The following ADCY3 variants were observed in gnomAD, a reference collection of about 807,000 sequenced individuals.
ADCY3 encodes adenylate cyclase 3, also known as adenylate cyclase type 3.
Under a neutral mutation model 119.4 loss-of-function variants are expected in ADCY3, and 70 were observed. The ratio of observed to expected loss-of-function variants is 0.59; its 90% CI spans 0.48 to 0.72. The LOEUF (loss-of-function observed/expected upper bound fraction) is 0.72, where lower values mean the gene tolerates loss of function less well. Among genes scored for constraint, ADCY3 ranks in the 30% least tolerant of loss-of-function variants. ADCY3 has a pLI of 0.00. For synonymous variants in ADCY3, 672 were observed against 621.4 expected, an observed-to-expected ratio of 1.08 and a Z score of -1.21; for missense variants, 1,238 against 1,541.6, an observed-to-expected ratio of 0.80 and a Z score of 3.30.
intron 2 of ADCY3, among the ~76,000 whole-genome samples, chr2:24,911,726 G>A (rs1487719334): frequency 1.3e-5 from 2 of 151,310 alleles, no homozygotes; most frequent in African/African-American, 2.4e-5. Flanking sequence ...GTGTGTGTGT[G>A]TGTATGAAGA....
chr2:24,839,793 A>T, intron 7 of ADCY3, 80 bp downstream of exon 7: 3 of 1,593,170 alleles, frequency 1.9e-6, no homozygotes, highest in Non-Finnish European at 2.6e-6. Context: ...CCTGTCCCTC[A>T]TCAGGGTCAC....
intron 3 of ADCY3, among the ~76,000 whole-genome samples, chr2:24,844,549 CAGG>C (rs1395826569): frequency 6.6e-6 from 1 of 152,084 alleles, no homozygotes; most frequent in South Asian, 2.1e-4. Context: ...TGCTTTGGGG[CAGG>C]AGGAGGTGAA....
At chr2:24,821,169 T>C in intron 20 of ADCY3, 1 of 435,936 alleles carries the variant, frequency 2.3e-6, no homozygotes, top group Admixed American at 3.9e-5. Flanking sequence ...CAGCAGGTGA[T>C]CTTAACTCCT....
chr2:24,901,767 A>G (rs1678923247), intron 2 of ADCY3, among the ~76,000 whole-genome samples: 1 of 147,198 alleles, frequency 6.8e-6, no homozygotes, highest in Admixed American at 6.8e-5. Context: ...CAACATAGCA[A>G]GACCTCATCT....
In ADCY3 at chr2:24,820,027, G is replaced by A. The variant is rs751100357; in HGVS notation, c.3340C>T (p.Leu1114=). ...GPIFVKGKGE[L]LTFFLKGRDK... ...CGCCCCTTCAAGAAGAAGGTCAGCA[G>A]CTCCCCCTTCCCCTTCACAAAGATG... The change falls in exon 22 of 22, where the codon CTG becomes TTG. Residue 1114 remains leucine (L), a synonymous_variant. Transcript: ENST00000679454. The A allele has an allele frequency of 6.2e-6, 10 of 1,611,226 alleles. No individual in the cohort carries two copies. Among genetic ancestry groups the A allele is most frequent in the Non-Finnish European group, 4.2e-6 (5 of 1,178,730 alleles).
chr2:24,900,793 G>A (rs1032873960), intron 2 of ADCY3, among the ~76,000 whole-genome samples: 5 of 152,170 alleles, frequency 3.3e-5, no homozygotes, highest in Admixed American at 3.3e-4. Context: ...ACCAGGAAAG[G>A]GTGGCTCATG....
chr2:24,875,857 G>C (rs1031451696), intron 2 of ADCY3, among the ~76,000 whole-genome samples: 6 of 152,184 alleles, frequency 3.9e-5, no homozygotes, highest in Non-Finnish European at 8.8e-5. Context: ...TAAAACTAGA[G>C]GGTGAGATCT....
At chr2:24,910,588 C>G (rs926199017) in intron 2 of ADCY3, among the ~76,000 whole-genome samples, 1 of 151,954 alleles carries the variant, frequency 6.6e-6, no homozygotes, top group African/African-American at 2.4e-5. Flanking sequence ...TATCCATTCC[C>G]GAGGAAAATG....
intron 2 of ADCY3, among the ~76,000 whole-genome samples, chr2:24,904,797 A>C (rs1385399938): frequency 6.6e-6 from 1 of 151,712 alleles, no homozygotes; most frequent in Non-Finnish European, 1.5e-5. Flanking sequence ...ATGCACCACC[A>C]CGTCCAGCTA....
chr2:24,825,943 G>T (rs1446039378), intron 16 of ADCY3, 102 bp downstream of exon 16: 4 of 1,122,472 alleles, frequency 3.6e-6, no homozygotes, highest in Admixed American at 4.2e-5. Flanking sequence ...GTGAAGGGAA[G>T]CCCCATTCCT....
At chr2:24,839,137 T>C (rs1390004428) in intron 7 of ADCY3, among the ~76,000 whole-genome samples, 1 of 152,092 alleles carries the variant, frequency 6.6e-6, no homozygotes, top group Non-Finnish European at 1.5e-5. Flanking sequence ...AGATGGGGTT[T>C]CGTCATGTTG....
intron 16 of ADCY3, chr2:24,825,754 T>C (rs886244875): frequency 2.3e-6 from 1 of 432,732 alleles, no homozygotes; most frequent in African/African-American, 2.0e-5. Context: ...TAGGGGATAT[T>C]GATTTGATTC....
chr2:24,820,544 G>C (rs1239147131), intron 21 of ADCY3, 180 bp downstream of exon 21: 35 of 1,405,378 alleles, frequency 2.5e-5, no homozygotes, highest in Non-Finnish European at 3.3e-5. Context: ...ATGGGTGGAA[G>C]TGTTTCTTCC....
In ADCY3 at chr2:24,872,447, G is replaced by T; in HGVS notation, c.825+123C>A. ...AGACAAAGTTCAGAAGCAAACACCT[G>T]AACAGGGTGGATGAACGCCAAGCCC... On this transcript the variant is annotated intron_variant, in intron 3 of 21. Coordinates refer to ENST00000679454, the MANE Select transcript of ADCY3 (RefSeq NM_004036.5). This position sits in a 1 kb window ranked among gnomAD's most constrained non-coding sequence, Gnocchi z 4.4. 1 of 1,233,648 alleles carries T rather than the reference G, an allele frequency of 8.1e-7. No individual in the cohort carries two copies. The highest frequency in any genetic ancestry group is 1.1e-6 in the Non-Finnish European group (1 of 884,132). The allele number at this position is 1,233,648 out of a possible 1,614,324, so 76.4% of individuals were successfully genotyped here.
chr2:24,840,178 G>C (rs527993120), intron 6 of ADCY3, 147 bp from the exon 7 acceptor site: 32 of 1,123,208 alleles, frequency 2.8e-5, no homozygotes, highest in South Asian at 1.6e-4. Context: ...GGTGTTGGGT[G>C]GGGGGTAAGG....
At position 24,918,669 on chromosome 2, in the gene ADCY3, A is replaced by G. The variant is rs11676272; in HGVS notation, c.319T>C (p.Ser107Pro). Reference sequence around the variant, plus strand: ...AGTCCAATTCCAGCCACGGCGAGGGAAGCCAGCTTGTCGCTGGAGAAGACC... The same window carrying G: ...AGTCCAATTCCAGCCACGGCGAGGGGAGCCAGCTTGTCGCTGGAGAAGACC... ...AVVFSSDKLA[S>P]LAVAGIGLVL... The change falls in exon 2 of 22, where the codon TCC becomes CCC. Residue 107 changes from serine (S) to proline (P), a missense_variant. By Grantham distance (74) the Ser-to-Pro change is moderately conservative. Transcript: ENST00000679454. The surrounding 1 kb of genome is among the most constrained non-coding windows in gnomAD (Gnocchi z 5.4). The G allele has an allele frequency of 0.49, 789,943 of 1,613,848 alleles. 200,579 individuals are homozygous for G. The highest frequency in any genetic ancestry group is 0.86 in the African/African-American group (64,229 of 75,020).
chr2:24,823,816 C>T (rs143465972), intron 17 of ADCY3, among the ~76,000 whole-genome samples: 242 of 152,062 alleles, frequency 1.6e-3, no homozygotes, highest in African/African-American at 5.5e-3. Flanking sequence ...CTCAGTTTCC[C>T]GAGTAGCTGG....
intron 17 of ADCY3, 70 bp downstream of exon 17, chr2:24,824,308 G>A (rs1668282559): frequency 4.4e-6 from 7 of 1,573,984 alleles, no homozygotes; most frequent in Middle Eastern, 2.1e-4. Context: ...GCCCAGCGGG[G>A]GCTGCCTGAA....
chr2:24,862,118 A>C (rs1410626085), intron 3 of ADCY3, among the ~76,000 whole-genome samples: 2 of 152,192 alleles, frequency 1.3e-5, no homozygotes, highest in African/African-American at 4.8e-5. Flanking sequence ...CCCAACCCCC[A>C]GTACAGACAG....
Sources: gnomAD v4.1 joint callset for allele counts (sites outside exome capture counted in the v4.1 genomes callset) on GRCh38, gnomAD v4.1.1 for gene constraint, Gnocchi (gnomAD v3.1) non-coding constraint, MANE v1.5 for transcripts, NCBI Gene and HGNC (gene_info 2026-07-23, HGNC 2026-07-21) for gene names.